SIPA1L3: variants seen among roughly 807,000 people sequenced by gnomAD.
SIPA1L3 encodes the protein signal-induced proliferation-associated 1-like protein 3.
SIPA1L3 carries 59 observed loss-of-function variants against 150.1 expected under a neutral mutation model. That is an observed-to-expected ratio of 0.39 (90% confidence interval 0.32 to 0.49). SIPA1L3 has a LOEUF of 0.49. Among genes scored for constraint, SIPA1L3 ranks in the 20% least tolerant of loss-of-function variants. The pLI is 0.86. For synonymous variants in SIPA1L3, 1,070 were observed against 1,077.6 expected, an observed-to-expected ratio of 0.99 and a Z score of 0.14; for missense variants, 2,211 against 2,489.5, an observed-to-expected ratio of 0.89 and a Z score of 2.38.
intron 15 of SIPA1L3, 38 bp from the exon 16 acceptor site, chr19:38,182,481 A>C: frequency 6.8e-7 from 1 of 1,475,146 alleles, no homozygotes; most frequent in Admixed American, 2.0e-5. Context: ...TGTGGAATGG[A>C]TTTGGTTTTT....
rs765993587 is a variant in SIPA1L3, at chr19:38,119,601, G to A, written c.2587G>A (p.Ala863Thr). ...KKEKTKARAG[A>T]EQHSAGAIAW... ...GGAAAAGACAAAAGCACGGGCTGGC[G>A]CTGAGCAGCACAGTGCAGGGGCCAT... The change falls in exon 9 of 22, where the codon GCT (alanine) becomes ACT (threonine). Residue 863 changes from alanine (A) to threonine (T), a missense_variant. This residue lies in a region of SIPA1L3 where 625 missense variants were observed against 804.2 expected (regional missense o/e 0.78). Transcript: ENST00000222345. 11 of 1,614,242 alleles carry A rather than the reference G, an allele frequency of 6.8e-6. No individual in the cohort carries two copies. The highest frequency in any genetic ancestry group is 2.2e-5 in the East Asian group (1 of 44,890).
At chr19:38,063,089 G>A (rs912382136) in intron 2 of SIPA1L3, among the ~76,000 whole-genome samples, 2 of 152,190 alleles carry the variant, frequency 1.3e-5, no homozygotes, top group Non-Finnish European at 2.9e-5. Context: ...CAGTGCAATG[G>A]TTTGTGTTAT....
rs554042490 is a variant in SIPA1L3 at position 37,957,554 on chromosome 19, TTTTTCTTTTTTC to T, written c.-379+50206_-379+50217del. The stretch of plus-strand genomic sequence containing the variant: ...TTGTGAATGGAATTTTTTTTTCTTT[TTTTTCTTTTTTC>T]TTTTCTTTTGAGACAGGATCTCACT... On this transcript the variant is annotated intron_variant, in intron 1 of 21. Coordinates refer to ENST00000222345, the MANE Select transcript of SIPA1L3 (RefSeq NM_015073.3). Among the ~76,000 whole-genome samples, 720 of 152,048 alleles carry T rather than the reference TTTTTCTTTTTTC, an allele frequency of 4.7e-3. 4 individuals carry two copies. Among genetic ancestry groups the T allele is most frequent in the Middle Eastern group, 0.01 (3 of 294 alleles).
At chr19:38,017,481 C>T (rs1968264969) in intron 1 of SIPA1L3, among the ~76,000 whole-genome samples, 1 of 151,846 alleles carries the variant, frequency 6.6e-6, no homozygotes, top group Non-Finnish European at 1.5e-5. Flanking sequence ...CTTCCACTGT[C>T]CTCACCCTGG....
At chr19:38,060,545 A>G (rs1413845624) in intron 2 of SIPA1L3, among the ~76,000 whole-genome samples, 1 of 152,238 alleles carries the variant, frequency 6.6e-6, no homozygotes, top group African/African-American at 2.4e-5. Flanking sequence ...TGGTGAGGAC[A>G]GAATGAATGC....
rs1172148328 is a variant in SIPA1L3, at chr19:38,124,003, G to A, written c.2868+4121G>A. Among the ~76,000 whole-genome samples, 5 of 150,700 alleles carry A rather than the reference G, an allele frequency of 3.3e-5. No homozygotes were observed. The South Asian group carries it at 6.3e-4, about 19-fold the overall frequency. On this transcript the variant is annotated intron_variant, in intron 9 of 21. Transcript: ENST00000222345. ...CCCCCCCACCTCCCTCCCGGACGGG[G>A]CGGATGGCCGGGCAGAGGGGCTCCT...
intron 17 of SIPA1L3, among the ~76,000 whole-genome samples, chr19:38,193,300 G>C (rs1424849039): frequency 6.8e-6 from 1 of 147,686 alleles, no homozygotes; most frequent in Admixed American, 7.0e-5. Flanking sequence ...AGTAAGCTGA[G>C]ATCGCCCCAT....
rs1438864615 is a variant in SIPA1L3 at position 38,039,417 on chromosome 19, G to A, written c.-311+10261G>A. 2.0e-5 allele frequency among the ~76,000 whole-genome samples: 3 copies of A among 151,924 alleles called. No homozygotes were observed. In the East Asian group the frequency reaches 5.8e-4, roughly 30 times the overall value. On this transcript the variant is annotated intron_variant, in intron 2 of 21. Transcript: ENST00000222345. Reference sequence around the variant, plus strand: ...GTGGGGGTGGTGGGGGTGGGGGTCGGGCATGGTGGCTCACGCCTGTAATCC... The same window carrying A: ...GTGGGGGTGGTGGGGGTGGGGGTCGAGCATGGTGGCTCACGCCTGTAATCC...
chr19:38,107,445 C>T (rs765268820), intron 7 of SIPA1L3, among the ~76,000 whole-genome samples: 7 of 152,180 alleles, frequency 4.6e-5, no homozygotes, highest in South Asian at 2.1e-4. Context: ...AGGTGGGCAG[C>T]GCCACCAAAC....
intron 1 of SIPA1L3, among the ~76,000 whole-genome samples, chr19:37,969,354 C>A (rs1312779477): frequency 6.6e-6 from 1 of 152,178 alleles, no homozygotes; most frequent in Admixed American, 6.5e-5. Context: ...GGATTTGAGA[C>A]CAGCCTGACC....
intron 1 of SIPA1L3, among the ~76,000 whole-genome samples, chr19:37,990,235 A>G (rs1967469773): frequency 6.6e-6 from 1 of 152,198 alleles, no homozygotes; most frequent in African/African-American, 2.4e-5. Context: ...CCAGATCACC[A>G]GCTACCTGGG....
intron 2 of SIPA1L3, among the ~76,000 whole-genome samples, chr19:38,075,205 C>G (rs763570988): frequency 3.0e-4 from 46 of 152,304 alleles, no homozygotes; most frequent in South Asian, 4.1e-4. Context: ...GCCTATAATC[C>G]TAGCACTTTG....
intron 10 of SIPA1L3, among the ~76,000 whole-genome samples, chr19:38,138,390 C>T (rs991648113): frequency 1.3e-5 from 2 of 152,272 alleles, no homozygotes. Flanking sequence ...ACTCTGCGTA[C>T]CAGCAACAGA....
At chr19:38,155,365 C>T (rs765356064) in intron 13 of SIPA1L3, among the ~76,000 whole-genome samples, 1 of 152,188 alleles carries the variant, frequency 6.6e-6, no homozygotes, top group Admixed American at 6.5e-5. Context: ...CGCGAGCCAC[C>T]GCACCCGGCT....
intron 10 of SIPA1L3, among the ~76,000 whole-genome samples, chr19:38,140,299 C>T (rs914555851): frequency 6.6e-6 from 1 of 152,150 alleles, no homozygotes; most frequent in African/African-American, 2.4e-5. Flanking sequence ...GGCGGATCTC[C>T]CCGCCTCAAG....
At chr19:38,141,539 T>C in intron 11 of SIPA1L3, 104 bp downstream of exon 11, 1 of 1,258,206 alleles carries the variant, frequency 7.9e-7, no homozygotes. Flanking sequence ...CTTCCTCGCC[T>C]CAAGCTTTCG....
At chr19:38,006,283 C>T (rs568576480) in intron 1 of SIPA1L3, among the ~76,000 whole-genome samples, 98 of 152,172 alleles carry the variant, frequency 6.4e-4, no homozygotes, top group Non-Finnish European at 1.2e-3. Flanking sequence ...AACCTAGAAG[C>T]AGCATGAGTG....
At chr19:37,926,361 C>T (rs986995977) in intron 1 of SIPA1L3, among the ~76,000 whole-genome samples, 1 of 152,198 alleles carries the variant, frequency 6.6e-6, no homozygotes, top group Non-Finnish European at 1.5e-5. Flanking sequence ...GGGGACCTCA[C>T]CTGGCTTCTG....
At chr19:37,997,343 G>A (rs984964017) in intron 1 of SIPA1L3, among the ~76,000 whole-genome samples, 9 of 151,606 alleles carry the variant, frequency 5.9e-5, no homozygotes, top group African/African-American at 1.9e-4. Flanking sequence ...TGAAGCAGGC[G>A]GATCACTTGA....
Sources: gnomAD v4.1 joint callset for allele counts (sites outside exome capture counted in the v4.1 genomes callset) on GRCh38, gnomAD v4.1.1 for gene constraint, gnomAD v4.1.1 regional missense constraint, MANE v1.5 for transcripts, NCBI Gene and HGNC (gene_info 2026-07-23, HGNC 2026-07-21) for gene names.